CSMD1: variants seen among roughly 807,000 people sequenced by gnomAD.
The protein encoded by CSMD1 is CUB and sushi domain-containing protein 1.
In CSMD1, 213 loss-of-function variants were observed where a neutral mutation model predicts 417.5. The observed-to-expected ratio is 0.51, with a 90% CI of 0.46 to 0.57. CSMD1 has a LOEUF of 0.57. Ranked by LOEUF, CSMD1 falls within the 20% of genes least tolerant of loss-of-function variation. The pLI, the probability that CSMD1 is intolerant of heterozygous loss-of-function variation, is 0.00. For missense variants in CSMD1, 6,923 were observed against 4,529.7 expected, an observed-to-expected ratio of 1.53 and a Z score of -15.17; for synonymous variants, 2,862 against 1,736.8, an observed-to-expected ratio of 1.65 and a Z score of -16.11.
intron 1 of CSMD1, among the ~76,000 whole-genome samples, chr8:4,804,186 T>C (rs1453938760): frequency 6.6e-6 from 1 of 152,082 alleles, no homozygotes; most frequent in Non-Finnish European, 1.5e-5. Flanking sequence ...AAATAATGAA[T>C]TAATTTTCAG....
chr8:3,720,562 G>T (rs1242652375), intron 6 of CSMD1, among the ~76,000 whole-genome samples: 4 of 150,552 alleles, frequency 2.7e-5, no homozygotes, highest in Non-Finnish European at 4.4e-5. Flanking sequence ...TCTTAAACAG[G>T]GGTGACACTT....
intron 7 of CSMD1, among the ~76,000 whole-genome samples, chr8:3,693,620 T>C (rs1189634189): frequency 6.6e-6 from 1 of 152,004 alleles, no homozygotes; most frequent in African/African-American, 2.4e-5. Context: ...AGAGAGACAA[T>C]AAACAAAATA....
chr8:4,791,272 A>G (rs1490897788), intron 1 of CSMD1, among the ~76,000 whole-genome samples: 2 of 152,192 alleles, frequency 1.3e-5, no homozygotes, highest in African/African-American at 4.8e-5. Context: ...TCATGGACAC[A>G]GACCTTCACG....
intron 10 of CSMD1, among the ~76,000 whole-genome samples, chr8:3,535,466 T>C (rs901766563): frequency 4.6e-5 from 7 of 152,162 alleles, no homozygotes; most frequent in Admixed American, 6.5e-5. Context: ...AGCCTCCATG[T>C]TCTCACTTAT....
intron 7 of CSMD1, among the ~76,000 whole-genome samples, chr8:3,645,157 A>C (rs954041185): frequency 6.6e-6 from 1 of 152,070 alleles, no homozygotes; most frequent in Non-Finnish European, 1.5e-5. Context: ...CATAAGATCA[A>C]ATCACCATTT....
chr8:3,718,520 G>C (rs1188099179), intron 6 of CSMD1, among the ~76,000 whole-genome samples: 1 of 152,158 alleles, frequency 6.6e-6, no homozygotes, highest in Admixed American at 6.6e-5. Flanking sequence ...TTGTACTGTT[G>C]ATATTCCTGA....
chr8:3,980,154 G>A (rs896251583), intron 5 of CSMD1, among the ~76,000 whole-genome samples: 7 of 152,162 alleles, frequency 4.6e-5, no homozygotes, highest in Admixed American at 1.3e-4. Flanking sequence ...GGTTTATAGA[G>A]CATTTTATAA....
At chr8:4,837,556 C>CA (rs1473914087) in intron 1 of CSMD1, among the ~76,000 whole-genome samples, 3 of 151,888 alleles carry the variant, frequency 2.0e-5, no homozygotes, top group Admixed American at 6.6e-5. Flanking sequence ...ATCTAAAAAT[C>CA]AAAACAATTA....
At chr8:3,815,754 C>G (rs1230103301) in intron 5 of CSMD1, among the ~76,000 whole-genome samples, 2 of 151,664 alleles carry the variant, frequency 1.3e-5, no homozygotes, top group Admixed American at 6.6e-5. Context: ...CATGGAAAGT[C>G]ATAAAACCAC....
chr8:3,267,436 T>C (rs1025543514), intron 26 of CSMD1, among the ~76,000 whole-genome samples: 11 of 152,136 alleles, frequency 7.2e-5, no homozygotes, highest in Admixed American at 5.9e-4. Flanking sequence ...AGTTGAGCAG[T>C]TGCGTGGTTG....
chr8:4,413,651 C>T (rs115425237), intron 3 of CSMD1, among the ~76,000 whole-genome samples: 4,324 of 152,216 alleles, frequency 0.028, 99 homozygotes, highest in African/African-American at 0.067. Flanking sequence ...TGACTATACA[C>T]GCAATGGTGT....
At chr8:4,082,149 C>G (rs1003587243) in intron 3 of CSMD1, among the ~76,000 whole-genome samples, 4 of 152,178 alleles carry the variant, frequency 2.6e-5, no homozygotes, top group South Asian at 4.1e-4. Flanking sequence ...TGCAAAATCT[C>G]TATAGATCCT....
At chr8:3,217,692 T>C (rs565079579) in intron 29 of CSMD1, among the ~76,000 whole-genome samples, 2 of 152,306 alleles carry the variant, frequency 1.3e-5, no homozygotes, top group South Asian at 2.1e-4. Flanking sequence ...AGGCATAGGA[T>C]ACTCTGATTG....
chr8:4,271,950 A>T (rs1010647252), intron 3 of CSMD1, among the ~76,000 whole-genome samples: 1 of 152,070 alleles, frequency 6.6e-6, no homozygotes, highest in Non-Finnish European at 1.5e-5. Flanking sequence ...TACAGATCTC[A>T]TGTATGGGCA....
At chr8:3,167,847 T>G (rs767550656) in intron 37 of CSMD1, among the ~76,000 whole-genome samples, 9 of 152,156 alleles carry the variant, frequency 5.9e-5, no homozygotes, top group Non-Finnish European at 1.3e-4. Context: ...TTTTTCTAAA[T>G]CCATCAGGCA....
intron 1 of CSMD1, among the ~76,000 whole-genome samples, chr8:4,655,523 T>C (rs921466000): frequency 6.6e-6 from 1 of 152,142 alleles, no homozygotes; most frequent in South Asian, 2.1e-4. Flanking sequence ...GGATCTCAAA[T>C]TGTAATATTT....
intron 2 of CSMD1, among the ~76,000 whole-genome samples, chr8:4,428,720 A>ATTAT (rs938586502): frequency 1.3e-5 from 2 of 151,908 alleles, no homozygotes; most frequent in Non-Finnish European, 2.9e-5. Context: ...TATTTTGTGT[A>ATTAT]TTATTTATTT....
chr8:3,183,150 T>C (rs1190938533), intron 36 of CSMD1: 1 of 149,216 alleles, frequency 6.7e-6, no homozygotes, highest in Non-Finnish European at 1.5e-5. Flanking sequence ...GCCTAATCTA[T>C]CTATCCCTGA....
intron 18 of CSMD1, chr8:3,373,769 A>C (rs1439621834): frequency 6.6e-6 from 1 of 152,160 alleles, no homozygotes. Context: ...GCTGTCCTTA[A>C]TGCTATAATT....
Sources: allele counts gnomAD v4.1 joint callset (sites outside exome capture counted in the v4.1 genomes callset), GRCh38; gene constraint gnomAD v4.1.1; transcripts MANE v1.5; gene names NCBI Gene and HGNC (gene_info 2026-07-23, HGNC 2026-07-21).